Variants in TAB2 observed in about 807,000 individuals in gnomAD.
TAB2 encodes TGF-beta activated kinase 1 (MAP3K7) binding protein 2.
In TAB2, 3 loss-of-function variants were observed where a neutral mutation model predicts 65.0. That is an observed-to-expected ratio of 0.05 (90% CI 0.02 to 0.12). TAB2 has a LOEUF of 0.12. TAB2 is among the 10% of genes least tolerant of loss of function. The pLI is 1.00. For missense variants in TAB2, 623 were observed against 840.3 expected (o/e 0.74, Z 3.20); for synonymous variants, 298 against 285.1 (o/e 1.05, Z -0.46).
chr6:149,279,441 C>T lies in TAB2; in HGVS notation c.-121+60665C>T, dbSNP rs1486229420. ...TTTTCCTCTCCCGTGACTTTAAATGCTACCTGTATGCCAGTGGTTCTCAAG... is the reference window on the plus strand; with the variant it reads ...TTTTCCTCTCCCGTGACTTTAAATGTTACCTGTATGCCAGTGGTTCTCAAG... On this transcript the variant is annotated intron_variant, in intron 1 of 1. Transcript: ENST00000606202. Among the ~76,000 whole-genome samples, 14 of 152,124 alleles carry T rather than the reference C, an allele frequency of 9.2e-5. No individual in the cohort carries two copies. In the East Asian group the frequency reaches 2.7e-3, roughly 29 times the overall value.
intron 1 of TAB2, among the ~76,000 whole-genome samples, chr6:149,236,787 C>T (rs1317724213): frequency 6.6e-6 from 1 of 152,100 alleles, no homozygotes; most frequent in Admixed American, 6.5e-5. Flanking sequence ...TCCAATTTTC[C>T]CCTTGCATAA....
At position 149,397,901 on chromosome 6, in the gene TAB2, C is replaced by T. The variant is rs930032514; in HGVS notation, c.1765-68C>T. On this transcript the variant is annotated intron_variant, in intron 4 of 6. Transcript: ENST00000637181. ...TCTGTCCTTACTTTCTTGTGCCAAA[C>T]TCCATTCTTTATTAACTAATGACTA... The T allele has an allele frequency of 1.9e-6, 3 of 1,579,672 alleles. No individual in the cohort carries two copies. The African/African-American group carries it at 4.0e-5, about 21-fold the overall frequency.
intron 1 of TAB2, among the ~76,000 whole-genome samples, chr6:149,273,676 C>T (rs1372927481): frequency 6.6e-6 from 1 of 152,226 alleles, no homozygotes; most frequent in Admixed American, 6.5e-5. Context: ...CACAGCCCAT[C>T]AGGTCATTGC....
intron 1 of TAB2, among the ~76,000 whole-genome samples, chr6:149,325,890 C>T (rs1311770046): frequency 6.6e-6 from 1 of 152,106 alleles, no homozygotes; most frequent in Non-Finnish European, 1.5e-5. Flanking sequence ...CAGATGCGTA[C>T]CACAACGCTC....
At chr6:149,358,961 C>T (rs1268468582) in intron 1 of TAB2, among the ~76,000 whole-genome samples, 1 of 152,008 alleles carries the variant, frequency 6.6e-6, no homozygotes, top group Non-Finnish European at 1.5e-5. Context: ...GATATATTTT[C>T]TAGAAGTCTT....
intron 1 of TAB2, among the ~76,000 whole-genome samples, chr6:149,323,363 G>A (rs1779511823): frequency 6.6e-6 from 1 of 152,018 alleles, no homozygotes; most frequent in Non-Finnish European, 1.5e-5. Context: ...AAGTAATATA[G>A]CAGTTTTTAA....
intron 1 of TAB2, among the ~76,000 whole-genome samples, chr6:149,298,900 G>C (rs1778923649): frequency 6.6e-6 from 1 of 152,192 alleles, no homozygotes; most frequent in Admixed American, 6.5e-5. Context: ...ATCTCAGCTA[G>C]AGGGATTAAT....
At chr6:149,390,954 C>T (rs906958962) in intron 3 of TAB2, among the ~76,000 whole-genome samples, 31 of 152,118 alleles carry the variant, frequency 2.0e-4, no homozygotes, top group Non-Finnish European at 2.5e-4. Flanking sequence ...GTTCATTTTT[C>T]CTGGAGTCTT....
intron 2 of TAB2, among the ~76,000 whole-genome samples, chr6:149,375,346 G>C (rs992087577): frequency 6.6e-6 from 1 of 152,022 alleles, no homozygotes; most frequent in Non-Finnish European, 1.5e-5. Context: ...TAAAACCCCT[G>C]TAAGTTCTTT....
At chr6:149,267,415 G>C (rs183818095) in intron 1 of TAB2, among the ~76,000 whole-genome samples, 1 of 152,270 alleles carries the variant, frequency 6.6e-6, no homozygotes, top group East Asian at 1.9e-4. Flanking sequence ...AGAGGAAGAG[G>C]GTGATTTGGA....
chr6:149,231,566 A>G (rs924316385), intron 1 of TAB2, among the ~76,000 whole-genome samples: 4 of 152,222 alleles, frequency 2.6e-5, no homozygotes, highest in African/African-American at 4.8e-5. Flanking sequence ...TGTCTTTTCT[A>G]TATAATATTG....
Position 149,379,211 on chromosome 6 carries a change from T to C in TAB2, c.1296T>C (p.Phe432=). 4.3e-6 allele frequency: 7 copies of C among 1,614,218 alleles called. No homozygotes were observed. The highest frequency in any genetic ancestry group is 5.9e-6 in the Non-Finnish European group (7 of 1,180,026). The part of the protein sequence containing the change: ...MSGQVSMGPA[F]IHHHPPKSRA... ...GGCAAGTGAGCATGGGTCCTGCCTT[T>C]ATTCATCACCATCCTCCCAAAAGTC... is the stretch of plus-strand genomic sequence containing the variant. The change falls in exon 3 of 7, where the codon TTT becomes TTC. Residue 432 remains phenylalanine, a synonymous_variant. Coordinates refer to ENST00000637181, the MANE Select transcript of TAB2 (RefSeq NM_001292034.3).
chr6:149,339,684 C>T (rs1780055246), intron 1 of TAB2, among the ~76,000 whole-genome samples: 1 of 150,638 alleles, frequency 6.6e-6, no homozygotes, highest in South Asian at 2.1e-4. Flanking sequence ...CTGCAACCTC[C>T]ACCTCCCAGG....
chr6:149,287,077 A>G (rs1348661717), intron 1 of TAB2, among the ~76,000 whole-genome samples: 1 of 152,230 alleles, frequency 6.6e-6, no homozygotes, highest in Non-Finnish European at 1.5e-5. Context: ...AGACGGAGCC[A>G]CTGCACTCCA....
intron 6 of TAB2, among the ~76,000 whole-genome samples, chr6:149,408,805 C>T (rs1308511670): frequency 6.6e-6 from 1 of 152,108 alleles, no homozygotes; most frequent in Non-Finnish European, 1.5e-5. Context: ...TCCATATAAA[C>T]ATTCTAGAAC....
At chr6:149,223,401 A>C (rs1020941147) in intron 1 of TAB2, among the ~76,000 whole-genome samples, 1 of 152,242 alleles carries the variant, frequency 6.6e-6, no homozygotes. Context: ...AGACTCGTCC[A>C]GCTCTGACAT....
At chr6:149,262,531 T>TA (rs11365916) in intron 1 of TAB2, among the ~76,000 whole-genome samples, 15,343 of 139,852 alleles carry the variant, frequency 0.11, 1,000 homozygotes, top group East Asian at 0.39. Context: ...AAACTCGGTC[T>TA]AAAAAAAAAA....
intron 6 of TAB2, chr6:149,400,513 G>A (rs377412354): frequency 5.6e-6 from 9 of 1,614,244 alleles, no homozygotes; most frequent in Non-Finnish European, 6.8e-6. Flanking sequence ...ACACCACTTA[G>A]TAAACTAATG....
chr6:149,320,648 G>A (rs1163976057), intron 1 of TAB2, among the ~76,000 whole-genome samples: 5 of 151,190 alleles, frequency 3.3e-5, no homozygotes, highest in Non-Finnish European at 5.9e-5. Context: ...AAGTCCTTGA[G>A]GAATGTGTAT....
Sources: allele counts gnomAD v4.1 joint callset (sites outside exome capture counted in the v4.1 genomes callset), GRCh38; gene constraint gnomAD v4.1.1; transcripts MANE v1.5; gene names NCBI Gene and HGNC (gene_info 2026-07-23, HGNC 2026-07-21).